Variants in DENND1A observed in about 807,000 individuals in gnomAD.
The protein encoded by DENND1A is DENN domain-containing protein 1A.
DENND1A carries 51 observed loss-of-function variants against 113.7 expected under a neutral mutation model. That is an observed-to-expected ratio of 0.45 (90% CI 0.36 to 0.57). DENND1A has a LOEUF of 0.57. DENND1A is among the 20% of genes least tolerant of loss of function. The pLI, the probability that DENND1A is intolerant of heterozygous loss-of-function variation, is 0.00. For synonymous variants in DENND1A, 565 were observed against 570.8 expected (o/e 0.99, Z 0.14); for missense variants, 1,258 against 1,395.9 (o/e 0.90, Z 1.57).
intron 1 of DENND1A, among the ~76,000 whole-genome samples, chr9:123,895,064 T>C (rs1588126171): frequency 6.6e-6 from 1 of 152,034 alleles, no homozygotes; most frequent in East Asian, 1.9e-4. Context: ...AGTTCCTTTT[T>C]TTTTTTTTTA....
chr9:123,531,552 TCTACACACACACACACACACACAC>T (rs1373430682), intron 13 of DENND1A, among the ~76,000 whole-genome samples: 2 of 133,790 alleles, frequency 1.5e-5, no homozygotes, highest in African/African-American at 2.9e-5. Context: ...CCCCTCTCTC[TCTACACACACACACACACACACAC>T]ACACACACAC....
intron 13 of DENND1A, among the ~76,000 whole-genome samples, chr9:123,538,809 C>CATATATATATATATATATAT (rs35223887): frequency 4.5e-5 from 1 of 22,470 alleles, no homozygotes; most frequent in Non-Finnish European, 8.0e-5. Flanking sequence ...ACAACTCATA[C>CATATATATATATATATATAT]ATATATATAT....
intron 13 of DENND1A, among the ~76,000 whole-genome samples, chr9:123,488,537 C>A (rs2051083256): frequency 1.3e-5 from 2 of 152,164 alleles, no homozygotes; most frequent in African/African-American, 4.8e-5. Context: ...AAATACACAA[C>A]CTCTACTAAT....
intron 2 of DENND1A, among the ~76,000 whole-genome samples, chr9:123,865,620 T>C (rs991354475): frequency 2.0e-5 from 3 of 152,272 alleles, no homozygotes; most frequent in Non-Finnish European, 4.4e-5. Flanking sequence ...TTTTTCTTCA[T>C]GATAGTTCAA....
At chr9:123,392,290 C>A (rs2042898291) in intron 21 of DENND1A, among the ~76,000 whole-genome samples, 1 of 152,054 alleles carries the variant, frequency 6.6e-6, no homozygotes, top group Non-Finnish European at 1.5e-5. Flanking sequence ...CACGCTGGCC[C>A]AAAATGAAAT....
chr9:123,775,588 T>G (rs1830355858), intron 3 of DENND1A, among the ~76,000 whole-genome samples: 2 of 152,188 alleles, frequency 1.3e-5, no homozygotes, highest in African/African-American at 4.8e-5. Flanking sequence ...AGCTGTCAGC[T>G]TTTAAATATT....
intron 11 of DENND1A, among the ~76,000 whole-genome samples, chr9:123,607,200 C>T (rs2060193105): frequency 6.6e-6 from 1 of 152,064 alleles, no homozygotes; most frequent in African/African-American, 2.4e-5. Context: ...CAGGACCTAG[C>T]AAAATGCTTG....
chr9:123,623,901 A>G (rs1346987092), intron 10 of DENND1A, among the ~76,000 whole-genome samples: 1 of 152,214 alleles, frequency 6.6e-6, no homozygotes, highest in African/African-American at 2.4e-5. Flanking sequence ...CCAGAAGTCA[A>G]CGAAGACTTC....
At chr9:123,414,410 C>CA in intron 19 of DENND1A, 15 of 1,439,588 alleles carry the variant, frequency 1.0e-5, no homozygotes, top group Non-Finnish European at 1.4e-5. Flanking sequence ...AATGTCCACC[C>CA]AGTCTTGGCA....
chr9:123,440,214 A>G, intron 19 of DENND1A, 146 bp downstream of exon 19: 1 of 1,060,628 alleles, frequency 9.4e-7, no homozygotes, highest in Non-Finnish European at 1.3e-6. Flanking sequence ...TGCACCAAAT[A>G]AACATTTAAA....
rs138025755 is a variant in DENND1A, at chr9:123,914,638, G to A, written c.17+15251C>T. On this transcript the variant is annotated intron_variant, in intron 1 of 23. Coordinates refer to ENST00000394215, the MANE Select transcript of DENND1A (RefSeq NM_001352964.2). ...CATAGTTCTGTAGGCTCACAGTGCT[G>A]GCATCTGCTTCTGGAGAGGCCTCAG... Among the ~76,000 whole-genome samples the A allele has an allele frequency of 1.4e-3, 218 of 151,912 alleles. 2 individuals are homozygous for A. Among genetic ancestry groups the A allele is most frequent in the African/African-American group, 5.0e-3 (207 of 41,458 alleles).
intron 5 of DENND1A, among the ~76,000 whole-genome samples, chr9:123,746,452 A>G (rs1233768615): frequency 6.6e-6 from 1 of 152,204 alleles, no homozygotes; most frequent in East Asian, 1.9e-4. Context: ...CAGTTTGAAT[A>G]TCCCTTATCC....
At chr9:123,578,229 T>G (rs2058719952) in intron 12 of DENND1A, among the ~76,000 whole-genome samples, 1 of 152,228 alleles carries the variant, frequency 6.6e-6, no homozygotes, top group African/African-American at 2.4e-5. Context: ...GGATTCCCCT[T>G]CTAGTACCAA....
intron 3 of DENND1A, among the ~76,000 whole-genome samples, chr9:123,779,754 C>T (rs1830984591): frequency 6.6e-6 from 1 of 152,154 alleles, no homozygotes; most frequent in Non-Finnish European, 1.5e-5. Flanking sequence ...CCCACTTCTG[C>T]TCCTTGGCAC....
At chr9:123,839,442 A>C (rs989794167) in intron 2 of DENND1A, among the ~76,000 whole-genome samples, 3 of 152,192 alleles carry the variant, frequency 2.0e-5, no homozygotes, top group African/African-American at 7.2e-5. Context: ...GATTCAATTA[A>C]ACACATTTAA....
At chr9:123,590,119 T>C (rs2059388140) in intron 11 of DENND1A, among the ~76,000 whole-genome samples, 1 of 152,216 alleles carries the variant, frequency 6.6e-6, no homozygotes, top group Non-Finnish European at 1.5e-5. Flanking sequence ...TCTCCTTGGA[T>C]GGTTCCTAGA....
intron 11 of DENND1A, among the ~76,000 whole-genome samples, chr9:123,591,717 G>T (rs1247957561): frequency 6.6e-6 from 1 of 152,242 alleles, no homozygotes; most frequent in Admixed American, 6.5e-5. Flanking sequence ...ACTGTGGCTA[G>T]ATCCACTCTA....
intron 10 of DENND1A, among the ~76,000 whole-genome samples, chr9:123,621,887 G>C (rs79573797): frequency 1.3e-5 from 2 of 152,264 alleles, no homozygotes; most frequent in African/African-American, 4.8e-5. Flanking sequence ...ATGCCCCATC[G>C]CCTATGTGGA....
intron 19 of DENND1A, among the ~76,000 whole-genome samples, chr9:123,434,123 T>C (rs1588506331): frequency 6.6e-6 from 1 of 152,150 alleles, no homozygotes; most frequent in Non-Finnish European, 1.5e-5. Flanking sequence ...GCCTCCCGGG[T>C]TCAAGCAATT....
Sources: allele counts gnomAD v4.1 joint callset (sites outside exome capture counted in the v4.1 genomes callset), GRCh38; gene constraint gnomAD v4.1.1; transcripts MANE v1.5; gene names NCBI Gene and HGNC (gene_info 2026-07-23, HGNC 2026-07-21).